MNT: variants seen among roughly 807,000 people sequenced by gnomAD.
MNT encodes the protein max-binding protein MNT.
A neutral mutation model predicts 40.7 loss-of-function variants in MNT; 13 were observed. That is an observed-to-expected ratio of 0.32 (90% CI 0.21 to 0.51). The LOEUF (loss-of-function observed/expected upper bound fraction) is 0.51. Ranked by LOEUF, MNT falls within the 20% of genes least tolerant of loss-of-function variation. The probability of loss-of-function intolerance (pLI) is 0.98; values close to 1 mark genes in which losing one functional copy is unlikely to be tolerated. For missense variants in MNT, 757 were observed against 792.0 expected (o/e 0.96, Z 0.53); for synonymous variants, 426 against 354.8 (o/e 1.20, Z -2.26).
In MNT at chr17:2,394,273, G is replaced by GCACACACACACACACACACACA. The variant is rs879040358; in HGVS notation, c.695+31_695+32insTGTGTGTGTGTGTGTGTGTGTG. 169 of 1,351,906 alleles carry GCACACACACACACACACACACA rather than the reference G, an allele frequency of 1.3e-4. No homozygotes were observed. The African/African-American group carries it at 3.1e-3, about 25-fold the overall frequency. 83.7% of individuals were successfully genotyped at this position (1,351,906 alleles called of 1,614,324 possible). ...GGGCCCGGGTCGCGCGCGCACGCAC[G>GCACACACACACACACACACACA]CACGCACACACACACACACACACAC... is the stretch of plus-strand genomic sequence containing the variant. On this transcript the variant is annotated intron_variant, in intron 3 of 5. Transcript: ENST00000174618.
At chr17:2,393,112 G>T (rs970471150) in intron 4 of MNT, among the ~76,000 whole-genome samples, 1 of 151,140 alleles carries the variant, frequency 6.6e-6, no homozygotes, top group Non-Finnish European at 1.5e-5. Flanking sequence ...TCAGAGGATG[G>T]ACAGGGAGAG....
At position 2,387,610 on chromosome 17, in the gene MNT, C is replaced by T. The variant is rs755234076; in HGVS notation, c.1040G>A (p.Arg347Gln). Residue 347 changes from arginine to glutamine, a missense_variant, in exon 6 of 6, where the codon CGG becomes CAG. Around this residue, in one of 4 missense-constraint regions of MNT, gnomAD observed 345 missense variants for 380.1 expected, o/e 0.91. Coordinates refer to ENST00000174618, the MANE Select transcript of MNT (RefSeq NM_020310.3). Reference protein sequence around the residue: ...DNIDEDMEEDRAGLGPPKLSH... With the variant: ...DNIDEDMEEDQAGLGPPKLSH... ...CAGCTTAGGTGGGCCCAGGCCCGCC[C>T]GGTCCTCCTCCATATCCTCGTCTAT... The T allele has an allele frequency of 8.1e-6, 13 of 1,613,922 alleles. No individual in the cohort carries two copies. The highest frequency in any genetic ancestry group is 5.0e-5 in the Admixed American group (3 of 60,000).
At chr17:2,399,655 C>T (rs2066601397) in intron 1 of MNT, among the ~76,000 whole-genome samples, 1 of 152,056 alleles carries the variant, frequency 6.6e-6, no homozygotes, top group Admixed American at 6.5e-5. Context: ...CCCGCCCAGG[C>T]CCCGCCCCCG....
chr17:2,391,412 G>C (rs1428482305), intron 4 of MNT: 2 of 152,322 alleles, frequency 1.3e-5, no homozygotes, highest in African/African-American at 4.8e-5. Context: ...CCTGTGGGTA[G>C]GATATAGTTC....
chr17:2,394,277 GCACACA>G (rs35367394), intron 3 of MNT, 22 bp downstream of exon 3: 378 of 1,489,010 alleles, frequency 2.5e-4, no homozygotes, highest in Middle Eastern at 4.2e-4. Flanking sequence ...ACGCACGCAC[GCACACA>G]CACACACACA....
chr17:2,400,686 C>G lies in MNT; in HGVS notation c.27G>C (p.Ala9=). The change falls in exon 1 of 6, where the codon GCG becomes GCC. Residue 9 remains alanine, a synonymous_variant. Transcript: ENST00000174618. The stretch of plus-strand genomic sequence containing the variant: ...GCGCTTGCCATTCCAGGAAGCGGGC[C>G]GCCTCCAGTAGCGTCTCTATGCTCA... The part of the protein sequence containing the change: MSIETLLE[A]ARFLEWQAQQ... 1 of 1,587,694 alleles carries G rather than the reference C, an allele frequency of 6.3e-7. No homozygotes were observed. The highest frequency in any genetic ancestry group is 8.5e-7 in the Non-Finnish European group (1 of 1,170,574).
At chr17:2,399,642 A>AGCCCCGCCCAG (rs938770086) in intron 1 of MNT, among the ~76,000 whole-genome samples, 1 of 150,882 alleles carries the variant, frequency 6.6e-6, no homozygotes, top group Non-Finnish European at 1.5e-5. Flanking sequence ...GCCCCTTGCC[A>AGCCCCGCCCAG]GCCCCGCCCA....
At position 2,394,973 on chromosome 17, in the gene MNT, C is replaced by A; in HGVS notation, c.555G>T (p.Gln185His). 6.2e-7 allele frequency: 1 copy of A among 1,607,070 alleles called. No homozygotes were observed. The change falls in exon 2 of 6, where the codon CAG becomes CAT. Residue 185 changes from glutamine to histidine, a missense_variant. Coordinates refer to ENST00000174618, the MANE Select transcript of MNT (RefSeq NM_020310.3). ...GTGGGGGCGGCTGCTGGGGGGCCAG[C>A]TGAGGCTGGACTCCAGGGTGTGGCG... Reference protein sequence around the residue: ...TIAPHPGVQPQLAPQQPPPPT... With the variant: ...TIAPHPGVQPHLAPQQPPPPT...
In MNT at chr17:2,387,710, G is replaced by A. The variant is rs992810112; in HGVS notation, c.1001-61C>T. Reference sequence around the variant, plus strand: ...GGCGGGGAAGCAAGTGGCTGGAGGCGTAGATGCTCGTGGGGGCGTGGGAAT... The same window carrying A: ...GGCGGGGAAGCAAGTGGCTGGAGGCATAGATGCTCGTGGGGGCGTGGGAAT... On this transcript the variant is annotated intron_variant, in intron 5 of 5. Coordinates refer to ENST00000174618, the MANE Select transcript of MNT (RefSeq NM_020310.3). 49 of 1,593,886 alleles carry A rather than the reference G, an allele frequency of 3.1e-5. No homozygotes were observed. In the Admixed American group the frequency reaches 4.5e-4, roughly 15 times the overall value.
rs901182378 is a variant in MNT, at chr17:2,386,032, C to T, written c.*869G>A. The T allele has an allele frequency of 2.0e-5, 3 of 151,866 alleles. No homozygotes were observed. Among genetic ancestry groups the T allele is most frequent in the African/African-American group, 7.3e-5 (3 of 40,892 alleles). 9.4% of individuals were successfully genotyped at this position (151,866 alleles called of 1,614,324 possible). A position where few individuals can be genotyped will look rare whatever the true frequency, so the allele number is the denominator to read the frequency against. On this transcript the variant is annotated 3_prime_UTR_variant, in exon 6 of 6. Transcript: ENST00000174618. Reference sequence around the variant, plus strand: ...TTGCTGCCTTCTGGAAGCCAAGAGCCAAGCCCAGGGCTGGGGACTGGGGAC... The same window carrying T: ...TTGCTGCCTTCTGGAAGCCAAGAGCTAAGCCCAGGGCTGGGGACTGGGGAC...
rs1467227774 is a variant in MNT at position 2,384,446 on chromosome 17, C to T, written c.*2455G>A. The T allele has an allele frequency of 6.6e-6, 1 of 152,430 alleles. No homozygotes were observed. 9.4% of individuals were successfully genotyped at this position (152,430 alleles called of 1,614,324 possible). On this transcript the variant is annotated 3_prime_UTR_variant, in exon 6 of 6. Transcript: ENST00000174618. Reference sequence around the variant, plus strand: ...GAGAGAGAAGGGGTCATGGTGGCCCCCCAGTTACCCTCCAGGCATTCCCTG... The same window carrying T: ...GAGAGAGAAGGGGTCATGGTGGCCCTCCAGTTACCCTCCAGGCATTCCCTG...
In MNT at chr17:2,387,574, G is replaced by A. The variant is rs201792632; in HGVS notation, c.1076C>T (p.Pro359Leu). ...GLGPPKLSHRPQPELLKSTLP... is the reference protein window; with the variant it reads ...GLGPPKLSHRLQPELLKSTLP... ...GGTGGACTTCAGCAGCTCCGGCTGGGGACGATGGCTCAGCTTAGGTGGGCC... is the reference window on the plus strand; with the variant it reads ...GGTGGACTTCAGCAGCTCCGGCTGGAGACGATGGCTCAGCTTAGGTGGGCC... Residue 359 changes from proline to leucine, a missense_variant, in exon 6 of 6, where the codon CCC becomes CTC. Physicochemically the swap from Pro to Leu is moderately conservative, Grantham distance 98. Transcript: ENST00000174618. 6.8e-6 allele frequency: 11 copies of A among 1,614,094 alleles called. No individual in the cohort carries two copies. In the East Asian group the frequency reaches 2.0e-4, roughly 29 times the overall value.
At chr17:2,400,469 A>T (rs1408696760) in intron 1 of MNT, 171 bp downstream of exon 1, 5 of 547,836 alleles carry the variant, frequency 9.1e-6, no homozygotes, top group Non-Finnish European at 3.1e-6. Context: ...AATTAATTTC[A>T]CTGCCCACAT....
intron 1 of MNT, among the ~76,000 whole-genome samples, chr17:2,398,497 A>G (rs1175011381): frequency 6.6e-6 from 1 of 152,204 alleles, no homozygotes; most frequent in Admixed American, 6.5e-5. Flanking sequence ...GTCCTGCCCC[A>G]GCTCAGAGGA....
chr17:2,399,887 GGGGCTGACCCCCAGCGACCCGC>G (rs1342155677), intron 1 of MNT, among the ~76,000 whole-genome samples: 2 of 152,232 alleles, frequency 1.3e-5, no homozygotes, highest in African/African-American at 2.4e-5. Flanking sequence ...GGGGGGCCCG[GGGGCTGACCCCCAGCGACCCGC>G]GGGCCATTTC....
chr17:2,399,187 C>T (rs887479937), intron 1 of MNT, among the ~76,000 whole-genome samples: 3 of 152,108 alleles, frequency 2.0e-5, no homozygotes, highest in African/African-American at 7.2e-5. Flanking sequence ...GGGGAGGGCA[C>T]AGGAGTCCCC....
At chr17:2,399,354 C>T (rs186553544) in intron 1 of MNT, among the ~76,000 whole-genome samples, 1 of 152,302 alleles carries the variant, frequency 6.6e-6, no homozygotes, top group Admixed American at 6.5e-5. Context: ...TTCGAGGGAG[C>T]GCCGAAGTTT....
chr17:2,394,148 G>C lies in MNT; in HGVS notation c.702C>G (p.Ala234=), dbSNP rs1413116139. 21 of 1,608,942 alleles carry C rather than the reference G, an allele frequency of 1.3e-5. No individual in the cohort carries two copies. The highest frequency in any genetic ancestry group is 1.8e-5 in the Non-Finnish European group (21 of 1,177,908). The change falls in exon 4 of 6, where the codon GCC becomes GCG. Residue 234 remains alanine (A), a synonymous_variant. Transcript: ENST00000174618. ...GGGTCTCAAAGCACTCTTTCAGATGGGCCCTCCTGAAGAGAGGGGCGAGCG... is the reference window on the plus strand; with the variant it reads ...GGGTCTCAAAGCACTCTTTCAGATGCGCCCTCCTGAAGAGAGGGGCGAGCG... The part of the protein sequence containing the change: ...VHNKLEKNRR[A]HLKECFETLK...
chr17:2,396,942 G>A (rs2066582412), intron 1 of MNT: 2 of 152,386 alleles, frequency 1.3e-5, no homozygotes. Context: ...TACTGGCTCA[G>A]GCGCCCCAGA....
Sources: gnomAD v4.1 joint callset for allele counts (sites outside exome capture counted in the v4.1 genomes callset) on GRCh38, gnomAD v4.1.1 for gene constraint, gnomAD v4.1.1 regional missense constraint, MANE v1.5 for transcripts, NCBI Gene and HGNC (gene_info 2026-07-23, HGNC 2026-07-21) for gene names.